GRK5: variants seen among roughly 807,000 people sequenced by gnomAD.
The protein encoded by GRK5 is g protein-coupled receptor kinase GRK5.
A neutral mutation model predicts 78.4 loss-of-function variants in GRK5; 40 were observed. The observed-to-expected ratio is 0.51, with a 90% CI of 0.40 to 0.66. The LOEUF (loss-of-function observed/expected upper bound fraction) is 0.66. GRK5 is among the 30% of genes least tolerant of loss of function. The pLI, the probability that GRK5 is intolerant of heterozygous loss-of-function variation, is 0.00. For synonymous variants in GRK5, 289 were observed against 296.8 expected (o/e 0.97, Z 0.27); for missense variants, 598 against 759.9 (o/e 0.79, Z 2.50).
intron 1 of GRK5, among the ~76,000 whole-genome samples, chr10:119,317,251 G>A (rs1850502427): frequency 6.6e-6 from 1 of 152,114 alleles, no homozygotes; most frequent in Non-Finnish European, 1.5e-5. Context: ...TGCGGATCCT[G>A]CCTTCCCATC....
chr10:119,316,981 G>T (rs1850497727), intron 1 of GRK5, among the ~76,000 whole-genome samples: 1 of 152,188 alleles, frequency 6.6e-6, no homozygotes, highest in African/African-American at 2.4e-5. Flanking sequence ...CGTAAACTCA[G>T]ATATGGCTTC....
intron 13 of GRK5, among the ~76,000 whole-genome samples, chr10:119,450,877 G>A (rs1177813402): frequency 2.6e-5 from 4 of 152,094 alleles, no homozygotes; most frequent in Non-Finnish European, 5.9e-5. Flanking sequence ...AGGCCCTGGA[G>A]TGCGAAGCCG....
intron 1 of GRK5, among the ~76,000 whole-genome samples, chr10:119,326,190 C>T (rs1589746145): frequency 1.3e-5 from 2 of 152,246 alleles, no homozygotes; most frequent in Admixed American, 1.3e-4. Flanking sequence ...ACGTGGCAGG[C>T]CTGGCCCCTG....
chr10:119,424,876 A>G, intron 5 of GRK5, 117 bp from the exon 6 acceptor site: 1 of 743,184 alleles, frequency 1.3e-6, no homozygotes. Context: ...GACGTGCTGC[A>G]TCTGCATGGG....
chr10:119,415,081 CA>C (rs762165768), intron 4 of GRK5, among the ~76,000 whole-genome samples: 1,086 of 75,714 alleles, frequency 0.014, 8 homozygotes, highest in African/African-American at 0.038. Flanking sequence ...GACTCTGTCT[CA>C]AAAAAAAAAA....
chr10:119,255,890 A>G (rs761711880), intron 1 of GRK5, among the ~76,000 whole-genome samples: 9 of 152,274 alleles, frequency 5.9e-5, no homozygotes, highest in Non-Finnish European at 1.3e-4. Flanking sequence ...CTCTGGGCCC[A>G]GGGAACAACC....
intron 1 of GRK5, among the ~76,000 whole-genome samples, chr10:119,252,061 CT>C (rs1365683082): frequency 6.6e-6 from 1 of 152,234 alleles, no homozygotes; most frequent in Non-Finnish European, 1.5e-5. Flanking sequence ...TGACTGAAGT[CT>C]AAGTCAGACA....
intron 15 of GRK5, 121 bp downstream of exon 15, chr10:119,453,397 C>A: frequency 8.4e-7 from 1 of 1,184,376 alleles, no homozygotes; most frequent in Non-Finnish European, 1.2e-6. Context: ...GGGGCAGTAG[C>A]AGCTTGGAAG....
intron 1 of GRK5, among the ~76,000 whole-genome samples, chr10:119,234,989 T>C (rs908169596): frequency 1.3e-5 from 2 of 151,814 alleles, no homozygotes; most frequent in Non-Finnish European, 2.9e-5. Flanking sequence ...TAATTAATTT[T>C]TTTGAGATGG....
At chr10:119,252,336 G>A (rs2133755157) in intron 1 of GRK5, among the ~76,000 whole-genome samples, 1 of 152,296 alleles carries the variant, frequency 6.6e-6, no homozygotes, top group African/African-American at 2.4e-5. Context: ...AACCTGAAGG[G>A]CAGAGACAGG....
At chr10:119,354,879 C>T (rs1430645255) in intron 2 of GRK5, among the ~76,000 whole-genome samples, 2 of 152,122 alleles carry the variant, frequency 1.3e-5, no homozygotes, top group East Asian at 3.8e-4. Context: ...TACTCAGGTT[C>T]TGTAGGGCCA....
At chr10:119,213,319 T>C (rs1209420036) in intron 1 of GRK5, among the ~76,000 whole-genome samples, 1 of 152,182 alleles carries the variant, frequency 6.6e-6, no homozygotes, top group Non-Finnish European at 1.5e-5. Context: ...GAGATCAGCC[T>C]GGCCAACATG....
chr10:119,251,570 G>C (rs887300001), intron 1 of GRK5, among the ~76,000 whole-genome samples: 10 of 152,338 alleles, frequency 6.6e-5, no homozygotes, highest in Middle Eastern at 3.4e-3. Context: ...TTTATCTGGA[G>C]TTGTAATTGT....
chr10:119,281,753 A>G (rs1318736355), intron 1 of GRK5, among the ~76,000 whole-genome samples: 2 of 152,326 alleles, frequency 1.3e-5, no homozygotes, highest in East Asian at 3.9e-4. Flanking sequence ...GAGCCAGGCC[A>G]TCAAGTCATC....
chr10:119,225,952 C>T (rs1848731461), intron 1 of GRK5, among the ~76,000 whole-genome samples: 1 of 151,458 alleles, frequency 6.6e-6, no homozygotes, highest in African/African-American at 2.4e-5. Context: ...GGGTTCACGC[C>T]ATTCTCCTGC....
intron 1 of GRK5, among the ~76,000 whole-genome samples, chr10:119,276,335 A>C (rs1240554185): frequency 6.6e-6 from 1 of 152,040 alleles, no homozygotes; most frequent in Non-Finnish European, 1.5e-5. Flanking sequence ...CCACCTATGA[A>C]TGAGAACACG....
chr10:119,354,371 C>T (rs1016183760), intron 2 of GRK5, among the ~76,000 whole-genome samples: 7 of 148,760 alleles, frequency 4.7e-5, no homozygotes, highest in African/African-American at 1.7e-4. Flanking sequence ...TCCTACATAA[C>T]TGCAACTTTG....
intron 2 of GRK5, among the ~76,000 whole-genome samples, chr10:119,369,568 C>T (rs1350881594): frequency 1.3e-5 from 2 of 152,358 alleles, no homozygotes; most frequent in South Asian, 2.1e-4. Context: ...TTTAGGAGAG[C>T]TGTTTTCCCC....
chr10:119,297,847 T>C (rs1195348520), intron 1 of GRK5, among the ~76,000 whole-genome samples: 3 of 152,340 alleles, frequency 2.0e-5, no homozygotes, highest in East Asian at 1.9e-4. Flanking sequence ...TATTCTGTTA[T>C]AGCAACACAA....
Sources: gnomAD v4.1 joint callset for allele counts (sites outside exome capture counted in the v4.1 genomes callset) on GRCh38, gnomAD v4.1.1 for gene constraint, MANE v1.5 for transcripts, NCBI Gene and HGNC (gene_info 2026-07-23, HGNC 2026-07-21) for gene names.